Variants in DUSP23 observed in about 807,000 individuals in gnomAD.
DUSP23 encodes the protein dual specificity protein phosphatase 23.
Under a neutral mutation model 13.3 loss-of-function variants are expected in DUSP23, and 10 were observed. That is an observed-to-expected ratio of 0.75 (90% CI 0.46 to 1.27). The LOEUF is 1.27. Among genes scored for constraint, DUSP23 ranks in the 50% most tolerant of loss-of-function variants. The probability of loss-of-function intolerance (pLI) is 0.00; values close to 1 mark genes in which losing one functional copy is unlikely to be tolerated. For synonymous variants in DUSP23, 107 were observed against 95.3 expected, an observed-to-expected ratio of 1.12 and a Z score of -0.72; for missense variants, 228 against 204.8, an observed-to-expected ratio of 1.11 and a Z score of -0.69.
Position 159,781,376 on chromosome 1 carries a change from G to T in DUSP23, c.267+9G>T. ...CCAACGCACGGGGAGAGGTCAGCGG[G>T]CGGGGTCAGCGCAGGGAGGGAGGGG... On this transcript the variant is annotated intron_variant, in intron 1 of 1. Transcript: ENST00000368107. 2 of 1,495,164 alleles carry T rather than the reference G, an allele frequency of 1.3e-6. No homozygotes were observed. The highest frequency in any genetic ancestry group is 1.8e-6 in the Non-Finnish European group (2 of 1,117,798). The allele number at this position is 1,495,164 out of a possible 1,614,324, so 92.6% of individuals were successfully genotyped here. A position where few individuals can be genotyped will look rare whatever the true frequency, so the allele number is the denominator to read the frequency against.
rs1413081919 is a variant in DUSP23, at chr1:159,782,181, T to G, written c.296T>G (p.Phe99Cys). The part of the protein sequence containing the change: ...EAVGVHCALG[F>C]GRTGTMLACY... ...GTGGGAGTGCACTGTGCTCTGGGCTTTGGCCGCACTGGCACCATGCTGGCC... is the reference window on the plus strand; with the variant it reads ...GTGGGAGTGCACTGTGCTCTGGGCTGTGGCCGCACTGGCACCATGCTGGCC... Residue 99 changes from phenylalanine (F) to cysteine (C), a missense_variant, in exon 2 of 2, where the codon TTT (phenylalanine) becomes TGT (cysteine). Physicochemically the swap from Phe to Cys is radical, Grantham distance 205. Coordinates refer to ENST00000368107, the MANE Select transcript of DUSP23 (RefSeq NM_001319658.2). 1.2e-6 allele frequency: 2 copies of G among 1,614,068 alleles called. No individual in the cohort carries two copies. Among genetic ancestry groups the G allele is most frequent in the South Asian group, 1.1e-5 (1 of 91,074 alleles).
rs1195626861 is a variant in DUSP23, at chr1:159,781,039, G to T, written c.-62G>T. The T allele has an allele frequency of 2.7e-6, 4 of 1,471,128 alleles. No homozygotes were observed. Among genetic ancestry groups the T allele is most frequent in the Middle Eastern group, 2.3e-4 (1 of 4,424 alleles). The allele number at this position is 1,471,128 out of a possible 1,614,324, so 91.1% of individuals were successfully genotyped here. On this transcript the variant is annotated 5_prime_UTR_variant, in exon 1 of 2. Transcript: ENST00000368107. ...CTCGGAGCGGGCGAGGGGACGCGTG[G>T]GCGGAGCGGGGCTGGCCAGCCTCGG... is the stretch of plus-strand genomic sequence containing the variant.
chr1:159,782,075 G>A, intron 1 of DUSP23, 78 bp from the exon 2 acceptor site: 2 of 1,531,846 alleles, frequency 1.3e-6, no homozygotes, highest in Non-Finnish European at 1.8e-6. Context: ...AAGGAGCTGT[G>A]GGGAGAACCA....
Position 159,781,328 on chromosome 1 carries a change from C to T in DUSP23, c.228C>T (p.Arg76=). 1 of 1,542,760 alleles carries T rather than the reference C, an allele frequency of 6.5e-7. No homozygotes were observed. Among genetic ancestry groups the T allele is most frequent in the Non-Finnish European group, 8.7e-7 (1 of 1,143,202 alleles). Residue 76 remains arginine, a synonymous_variant, in exon 1 of 2, where the codon CGC becomes CGT. Coordinates refer to ENST00000368107, the MANE Select transcript of DUSP23 (RefSeq NM_001319658.2). ...FCPPAPDQID[R]FVQIVDEANA... ...CGCCGGCCCCCGACCAGATCGACCG[C>T]TTCGTGCAGATCGTGGACGAGGCCA...
In DUSP23 at chr1:159,781,227, A is replaced by G; in HGVS notation, c.127A>G (p.Thr43Ala). The G allele has an allele frequency of 6.5e-7, 1 of 1,549,290 alleles. No individual in the cohort carries two copies. The highest frequency in any genetic ancestry group is 1.4e-5 in the African/African-American group (1 of 73,076). ...GGGCGTGCGGCACCTGGTGTCCCTG[A>G]CGGAGCGCGGGCCCCCTCACAGCGA... is the stretch of plus-strand genomic sequence containing the variant. ...DLGVRHLVSL[T>A]ERGPPHSDSC... is the part of the protein sequence containing the mutation. Residue 43 changes from threonine to alanine, a missense_variant, in exon 1 of 2, where the codon ACG becomes GCG. Coordinates refer to ENST00000368107, the MANE Select transcript of DUSP23 (RefSeq NM_001319658.2).
rs897043954 is a variant in DUSP23, at chr1:159,781,176, G to C, written c.76G>C (p.Ala26Pro). 5.8e-6 allele frequency: 9 copies of C among 1,548,362 alleles called. No individual in the cohort carries two copies. The highest frequency in any genetic ancestry group is 7.9e-6 in the Non-Finnish European group (9 of 1,146,474). Residue 26 changes from alanine (A) to proline (P), a missense_variant, in exon 1 of 2, where the codon GCC becomes CCC. By Grantham distance (27) the Ala-to-Pro change is conservative (BLOSUM62 -1). Transcript: ENST00000368107. ...LAGLALPRLP[A>P]HYQFLLDLGV... ...GGGACTGGCGCTGCCGCGGCTCCCC[G>C]CCCACTACCAGTTCCTGTTGGACCT...
chr1:159,781,389 A>C (rs1390118652), intron 1 of DUSP23, 22 bp downstream of exon 1: 2 of 1,475,530 alleles, frequency 1.4e-6, no homozygotes, highest in African/African-American at 1.4e-5. Context: ...GGGTCAGCGC[A>C]GGGAGGGAGG....
At position 159,782,018 on chromosome 1, in the gene DUSP23, A is replaced by T. The variant is rs908850572; in HGVS notation, c.268-135A>T. 1.9e-5 allele frequency: 19 copies of T among 980,750 alleles called. No individual in the cohort carries two copies. The African/African-American group carries it at 3.1e-4, about 16-fold the overall frequency. 60.8% of individuals were successfully genotyped at this position (980,750 alleles called of 1,614,324 possible). ...GGCCTCCTAGCCACCTAGTGCAGGG[A>T]CAGCCCTCCCTGACTTTGCTGCAGA... On this transcript the variant is annotated intron_variant, in intron 1 of 1. Transcript: ENST00000368107.
chr1:159,781,371 A>G lies in DUSP23; in HGVS notation c.267+4A>G. 1 of 1,501,986 alleles carries G rather than the reference A, an allele frequency of 6.7e-7. No homozygotes were observed. The highest frequency in any genetic ancestry group is 1.3e-5 in the South Asian group (1 of 77,138). The allele number at this position is 1,501,986 out of a possible 1,614,324, so 93.0% of individuals were successfully genotyped here. ...CGAGGCCAACGCACGGGGAGAGGTC[A>G]GCGGGCGGGGTCAGCGCAGGGAGGG... On this transcript the variant is annotated splice_donor_region_variant and intron_variant, in intron 1 of 1. Coordinates refer to ENST00000368107, the MANE Select transcript of DUSP23 (RefSeq NM_001319658.2).
rs995950740 is a variant in DUSP23 at position 159,782,054 on chromosome 1, T to C, written c.268-99T>C. The C allele has an allele frequency of 3.5e-6, 5 of 1,411,662 alleles. No individual in the cohort carries two copies. In the African/African-American group the frequency reaches 7.1e-5, roughly 20 times the overall value. 87.4% of individuals were successfully genotyped at this position (1,411,662 alleles called of 1,614,324 possible). A position where few individuals can be genotyped will look rare whatever the true frequency, so the allele number is the denominator to read the frequency against. On this transcript the variant is annotated intron_variant, in intron 1 of 1. Transcript: ENST00000368107. Reference sequence around the variant, plus strand: ...TGACTTTGCTGCAGAGCCCTGGACCTGGCACAGAAGAAGGAGCTGTGGGGA... The same window carrying C: ...TGACTTTGCTGCAGAGCCCTGGACCCGGCACAGAAGAAGGAGCTGTGGGGA...
In DUSP23 at chr1:159,781,015, TCGGAGCGGGCGAGGGGACGCGTGGG is replaced by T. The variant is rs1252993544; in HGVS notation, c.-76_-52del. The T allele has an allele frequency of 5.2e-5, 75 of 1,438,326 alleles. No homozygotes were observed. The highest frequency in any genetic ancestry group is 1.2e-4 in the Admixed American group (5 of 40,220). The allele number at this position is 1,438,326 out of a possible 1,614,324, so 89.1% of individuals were successfully genotyped here. A position where few individuals can be genotyped will look rare whatever the true frequency, so the allele number is the denominator to read the frequency against. ...CCAGGTAGGTGGTGAGTTACTTGGCTCGGAGCGGGCGAGGGGACGCGTGGGCGGAGCGGGGCTGGCCAGCCTCGGC... is the reference window on the plus strand; with the variant it reads ...CCAGGTAGGTGGTGAGTTACTTGGCTCGGAGCGGGGCTGGCCAGCCTCGGC... On this transcript the variant is annotated 5_prime_UTR_variant, in exon 1 of 2. Transcript: ENST00000368107.
At chr1:159,781,638 C>T (rs1256547648) in intron 1 of DUSP23, among the ~76,000 whole-genome samples, 2 of 152,088 alleles carry the variant, frequency 1.3e-5, no homozygotes, top group Non-Finnish European at 2.9e-5. Context: ...GGACAGACAC[C>T]TGGGAGAGGT....
chr1:159,781,008 A>T lies in DUSP23; in HGVS notation c.-93A>T. The T allele has an allele frequency of 7.0e-7, 1 of 1,418,930 alleles. No individual in the cohort carries two copies. The highest frequency in any genetic ancestry group is 9.2e-7 in the Non-Finnish European group (1 of 1,081,362). The allele number at this position is 1,418,930 out of a possible 1,614,324, so 87.9% of individuals were successfully genotyped here. On this transcript the variant is annotated 5_prime_UTR_variant, in exon 1 of 2. Coordinates refer to ENST00000368107, the MANE Select transcript of DUSP23 (RefSeq NM_001319658.2). Reference sequence around the variant, plus strand: ...GCCGAGGCCAGGTAGGTGGTGAGTTACTTGGCTCGGAGCGGGCGAGGGGAC... The same window carrying T: ...GCCGAGGCCAGGTAGGTGGTGAGTTTCTTGGCTCGGAGCGGGCGAGGGGAC...
Position 159,780,998 on chromosome 1 carries a change from G to A in DUSP23, c.-103G>A, listed in dbSNP as rs890814620. ...CCCGGGAGGCGCCGAGGCCAGGTAG[G>A]TGGTGAGTTACTTGGCTCGGAGCGG... On this transcript the variant is annotated 5_prime_UTR_variant, in exon 1 of 2. In the 5' UTR this introduces an upstream ATG that the reference lacks. Coordinates refer to ENST00000368107, the MANE Select transcript of DUSP23 (RefSeq NM_001319658.2). 3.6e-6 allele frequency: 5 copies of A among 1,386,972 alleles called. No homozygotes were observed. The South Asian group carries it at 5.8e-5, about 16-fold the overall frequency. The allele number at this position is 1,386,972 out of a possible 1,614,324, so 85.9% of individuals were successfully genotyped here.
Position 159,781,298 on chromosome 1 carries a change from C to T in DUSP23, c.198C>T (p.Phe66=), listed in dbSNP as rs1661861272. The T allele has an allele frequency of 2.6e-6, 4 of 1,546,914 alleles. No individual in the cohort carries two copies. In the South Asian group the frequency reaches 4.8e-5, roughly 18 times the overall value. ...TGCACCGCCTGCGCATCCCCGACTT[C>T]TGCCCGCCGGCCCCCGACCAGATCG... ...LTLHRLRIPD[F]CPPAPDQIDR... is the part of the protein sequence containing the mutation. The change falls in exon 1 of 2, where the codon TTC becomes TTT. Residue 66 remains phenylalanine, a synonymous_variant. Transcript: ENST00000368107.
rs1206911357 is a variant in DUSP23, at chr1:159,781,352, C to T, written c.252C>T (p.Ala84=). ...IDRFVQIVDE[A]NARGEAVGVH... Reference sequence around the variant, plus strand: ...GCTTCGTGCAGATCGTGGACGAGGCCAACGCACGGGGAGAGGTCAGCGGGC... The same window carrying T: ...GCTTCGTGCAGATCGTGGACGAGGCTAACGCACGGGGAGAGGTCAGCGGGC... The change falls in exon 1 of 2, where the codon GCC becomes GCT. Residue 84 remains alanine (A), a synonymous_variant. Coordinates refer to ENST00000368107, the MANE Select transcript of DUSP23 (RefSeq NM_001319658.2). The T allele has an allele frequency of 2.6e-6, 4 of 1,525,688 alleles. No individual in the cohort carries two copies. The highest frequency in any genetic ancestry group is 3.5e-6 in the Non-Finnish European group (4 of 1,134,440). The allele number at this position is 1,525,688 out of a possible 1,614,324, so 94.5% of individuals were successfully genotyped here. A position where few individuals can be genotyped will look rare whatever the true frequency, so the allele number is the denominator to read the frequency against.
rs199923945 is a variant in DUSP23 at position 159,782,136 on chromosome 1, G to A, written c.268-17G>A. The A allele has an allele frequency of 8.0e-5, 129 of 1,611,994 alleles. No individual in the cohort carries two copies. The East Asian group carries it at 2.1e-3, about 26-fold the overall frequency. ...GTGGGGGAGTTGAGTGGCACCCATC[G>A]AGCCCCCTCTTCGTAGGCTGTGGGA... On this transcript the variant is annotated splice_polypyrimidine_tract_variant and intron_variant, in intron 1 of 1. Transcript: ENST00000368107.
Position 159,782,540 on chromosome 1 carries a change from C to G in DUSP23, c.*202C>G, listed in dbSNP as rs1369176287. 5 of 598,976 alleles carry G rather than the reference C, an allele frequency of 8.3e-6. No individual in the cohort carries two copies. In the Admixed American group the frequency reaches 9.0e-5, roughly 11 times the overall value. The allele number at this position is 598,976 out of a possible 1,614,324, so 37.1% of individuals were successfully genotyped here. ...TGTTGAATAAATGAGTTTTACGAAC[C>G]AGGGCACGTTGCATGGTACTTTATA... On this transcript the variant is annotated 3_prime_UTR_variant, in exon 2 of 2. Transcript: ENST00000368107.
chr1:159,782,261 C>G lies in DUSP23; in HGVS notation c.376C>G (p.Arg126Gly), dbSNP rs763731199. ...TGCAGGAGATGCCATTGCTGAAATC[C>G]GACGACTACGACCCGGCTCCATCGA... is the stretch of plus-strand genomic sequence containing the variant. The part of the protein sequence containing the change: ...LAAGDAIAEI[R>G]RLRPGSIETY... The change falls in exon 2 of 2, where the codon CGA (arginine) becomes GGA (glycine). Residue 126 changes from arginine (R) to glycine (G), a missense_variant. By Grantham distance (125) the Arg-to-Gly change is moderately radical. Transcript: ENST00000368107. The G allele has an allele frequency of 5.6e-6, 9 of 1,614,008 alleles. No individual in the cohort carries two copies. The highest frequency in any genetic ancestry group is 7.6e-6 in the Non-Finnish European group (9 of 1,179,982).
Sources: gnomAD v4.1 joint callset for allele counts (sites outside exome capture counted in the v4.1 genomes callset) on GRCh38, gnomAD v4.1.1 for gene constraint, MANE v1.5 for transcripts, NCBI Gene and HGNC (gene_info 2026-07-23, HGNC 2026-07-21) for gene names.